CNTNAP5: variants seen among roughly 807,000 people sequenced by gnomAD.
The protein encoded by CNTNAP5 is contactin associated protein family member 5, also known as contactin-associated protein-like 5.
Under a neutral mutation model 150.2 loss-of-function variants are expected in CNTNAP5, and 72 were observed. The observed-to-expected ratio is 0.48, with a 90% CI of 0.40 to 0.58. The LOEUF (loss-of-function observed/expected upper bound fraction) is 0.58, where lower values mean the gene tolerates loss of function less well. Among genes scored for constraint, CNTNAP5 ranks in the 20% least tolerant of loss-of-function variants. CNTNAP5 has a pLI of 0.00. For synonymous variants in CNTNAP5, 672 were observed against 619.8 expected, an observed-to-expected ratio of 1.08 and a Z score of -1.25; for missense variants, 1,636 against 1,626.2, an observed-to-expected ratio of 1.01 and a Z score of -0.10.
Position 124,460,191 on chromosome 2 carries a change from G to A in CNTNAP5, c.918+13254G>A, listed in dbSNP as rs150604839. Among the ~76,000 whole-genome samples, 900 of 152,246 alleles carry A rather than the reference G, an allele frequency of 5.9e-3. 6 individuals are homozygous for A. The highest frequency in any genetic ancestry group is 9.6e-3 in the Non-Finnish European group (655 of 68,010). The stretch of plus-strand genomic sequence containing the variant: ...ACATATAAACATTAAAGCACATATA[G>A]GCATAGAAATTTCTGAAAGGATACT... On this transcript the variant is annotated intron_variant, in intron 6 of 23. Coordinates refer to ENST00000682447, the MANE Select transcript of CNTNAP5 (RefSeq NM_001367498.1).
chr2:124,359,140 C>G (rs939362545), intron 3 of CNTNAP5, among the ~76,000 whole-genome samples: 1 of 152,110 alleles, frequency 6.6e-6, no homozygotes, highest in Admixed American at 6.5e-5. Flanking sequence ...TCTGTGGGAT[C>G]GGCGGTGATA....
At chr2:124,194,189 C>T (rs371363431) in intron 1 of CNTNAP5, among the ~76,000 whole-genome samples, 18 of 151,670 alleles carry the variant, frequency 1.2e-4, no homozygotes, top group African/African-American at 3.1e-4. Context: ...ATTTTCTCTG[C>T]GCTACTGAAC....
chr2:124,564,713 G>A (rs1226548313), intron 11 of CNTNAP5, among the ~76,000 whole-genome samples: 1 of 152,152 alleles, frequency 6.6e-6, no homozygotes, highest in Non-Finnish European at 1.5e-5. Context: ...GGAAACACAT[G>A]AAAAAGTATA....
chr2:124,417,350 T>C, intron 3 of CNTNAP5, 93 bp from the exon 4 acceptor site: 3 of 1,295,582 alleles, frequency 2.3e-6, no homozygotes, highest in Non-Finnish European at 1.1e-6. Context: ...ATTAGGTATG[T>C]TCTCAGTACG....
intron 1 of CNTNAP5, among the ~76,000 whole-genome samples, chr2:124,189,670 A>G (rs1336088517): frequency 6.6e-6 from 1 of 152,184 alleles, no homozygotes; most frequent in Admixed American, 6.5e-5. Context: ...CCTTTTATTT[A>G]TGGGGATTTT....
At chr2:124,153,711 G>A (rs1268182608) in intron 1 of CNTNAP5, among the ~76,000 whole-genome samples, 5 of 145,288 alleles carry the variant, frequency 3.4e-5, no homozygotes, top group East Asian at 4.3e-4. Flanking sequence ...CCAGGTTCAC[G>A]CTATTCTCCT....
intron 2 of CNTNAP5, among the ~76,000 whole-genome samples, chr2:124,239,073 C>A (rs186912484): frequency 1.7e-4 from 26 of 152,160 alleles, no homozygotes; most frequent in African/African-American, 6.0e-4. Flanking sequence ...AACAGCTATT[C>A]CATTTTGGTT....
At chr2:124,510,018 A>G (rs1033412634) in intron 8 of CNTNAP5, among the ~76,000 whole-genome samples, 2 of 151,962 alleles carry the variant, frequency 1.3e-5, no homozygotes, top group Non-Finnish European at 2.9e-5. Context: ...CCTCACCAAC[A>G]TGGTGAAACC....
chr2:124,234,049 G>C (rs1353489336), intron 2 of CNTNAP5, among the ~76,000 whole-genome samples: 1 of 152,048 alleles, frequency 6.6e-6, no homozygotes. Context: ...ATCAATATGA[G>C]ATCTGCAGTT....
chr2:124,309,479 A>G (rs978498193), intron 3 of CNTNAP5, among the ~76,000 whole-genome samples: 8 of 152,008 alleles, frequency 5.3e-5, no homozygotes, highest in African/African-American at 1.9e-4. Context: ...ACTTAAACTG[A>G]AAAAATAAAG....
intron 3 of CNTNAP5, among the ~76,000 whole-genome samples, chr2:124,391,171 A>G (rs905716702): frequency 2.0e-5 from 3 of 152,230 alleles, no homozygotes; most frequent in Non-Finnish European, 4.4e-5. Flanking sequence ...CTAGGAAATT[A>G]ACTAAAATAA....
At chr2:124,372,907 G>A (rs898937674) in intron 3 of CNTNAP5, among the ~76,000 whole-genome samples, 3 of 152,130 alleles carry the variant, frequency 2.0e-5, no homozygotes, top group Non-Finnish European at 2.9e-5. Flanking sequence ...AAATATGCAT[G>A]TGAGGAAGAT....
chr2:124,514,922 C>T (rs1269310879), intron 8 of CNTNAP5, among the ~76,000 whole-genome samples: 2 of 152,150 alleles, frequency 1.3e-5, no homozygotes, highest in Non-Finnish European at 2.9e-5. Context: ...AGGGAAATAA[C>T]TCTCTTGAGT....
chr2:124,850,878 G>A (rs183153629), intron 19 of CNTNAP5, among the ~76,000 whole-genome samples: 20 of 152,220 alleles, frequency 1.3e-4, no homozygotes, highest in Non-Finnish European at 2.2e-4. Context: ...AGGAAAATTC[G>A]ATTTATCAAC....
rs1678407247 is a variant in CNTNAP5 at position 124,901,182 on chromosome 2, T to A, written c.3437-1700T>A. ...TTTTCATTATCATTTTTGGGAAAGT[T>A]CTCACAAAATCTCAGACCTGAAGTT... On this transcript the variant is annotated intron_variant, in intron 21 of 23. Coordinates refer to ENST00000682447, the MANE Select transcript of CNTNAP5 (RefSeq NM_001367498.1). Among the ~76,000 whole-genome samples the A allele has an allele frequency of 2.6e-5, 4 of 151,568 alleles. No individual in the cohort carries two copies. In the South Asian group the frequency reaches 8.3e-4, roughly 31 times the overall value.
At chr2:124,786,735 G>A (rs1183629128) in intron 17 of CNTNAP5, among the ~76,000 whole-genome samples, 1 of 151,738 alleles carries the variant, frequency 6.6e-6, no homozygotes, top group Non-Finnish European at 1.5e-5. Flanking sequence ...GAGGATGAGG[G>A]AAGATTACTG....
At chr2:124,750,543 C>A (rs1302147560) in intron 14 of CNTNAP5, among the ~76,000 whole-genome samples, 2 of 152,268 alleles carry the variant, frequency 1.3e-5, no homozygotes, top group East Asian at 3.9e-4. Context: ...TTACTTAGTG[C>A]CTACTGTGTG....
intron 1 of CNTNAP5, among the ~76,000 whole-genome samples, chr2:124,106,177 C>T (rs1006753805): frequency 5.3e-5 from 8 of 152,008 alleles, no homozygotes; most frequent in Non-Finnish European, 1.0e-4. Flanking sequence ...ACTAAGGATT[C>T]GAGAAGGTGT....
chr2:124,408,827 T>A (rs1029012551), intron 3 of CNTNAP5, among the ~76,000 whole-genome samples: 3 of 151,982 alleles, frequency 2.0e-5, no homozygotes, highest in Non-Finnish European at 2.9e-5. Flanking sequence ...AATGCAGAGC[T>A]CCTCTCCTCC....
Sources: gnomAD v4.1 joint callset for allele counts (sites outside exome capture counted in the v4.1 genomes callset) on GRCh38, gnomAD v4.1.1 for gene constraint, MANE v1.5 for transcripts, NCBI Gene and HGNC (gene_info 2026-07-23, HGNC 2026-07-21) for gene names.